Variants in NXPE4 observed in about 807,000 individuals in gnomAD.
The protein encoded by NXPE4 is neurexophilin and PC-esterase domain family member 4.
In NXPE4, 42 loss-of-function variants were observed where a neutral mutation model predicts 33.3. The observed-to-expected ratio is 1.26, with a 90% CI of 0.98 to 1.63. NXPE4 has a LOEUF of 1.63. NXPE4 is among the 40% of genes most tolerant of loss of function. The pLI is 0.00. For missense variants in NXPE4, 709 were observed against 647.6 expected, an observed-to-expected ratio of 1.09 and a Z score of -1.03; for synonymous variants, 253 against 234.9, an observed-to-expected ratio of 1.08 and a Z score of -0.71.
the NXPE4 span, among the ~76,000 whole-genome samples, chr11:114,654,137 T>A: frequency 6.6e-6 from 1 of 151,966 alleles, no homozygotes; most frequent in African/African-American, 2.4e-5. Context: ...GCTTTCAGGA[T>A]CCAATCTACA....
chr11:114,662,832 C>G, the NXPE4 span, among the ~76,000 whole-genome samples: 2 of 152,160 alleles, frequency 1.3e-5, no homozygotes, highest in African/African-American at 4.8e-5. Flanking sequence ...GGAAAGGACC[C>G]AGTCCTGGCA....
chr11:114,641,735 A>C, the NXPE4 span, among the ~76,000 whole-genome samples: 2 of 152,122 alleles, frequency 1.3e-5, no homozygotes, highest in African/African-American at 4.8e-5. Context: ...GAGCACACTG[A>C]AAGTGGGCAA....
the NXPE4 span, among the ~76,000 whole-genome samples, chr11:114,648,793 T>A: frequency 6.6e-6 from 1 of 152,214 alleles, no homozygotes; most frequent in Non-Finnish European, 1.5e-5. Flanking sequence ...CCTTGAGTGA[T>A]GTTTACTCTT....
chr11:114,670,278 T>TA, the NXPE4 span, among the ~76,000 whole-genome samples: 1 of 152,018 alleles, frequency 6.6e-6, no homozygotes, highest in Admixed American at 6.6e-5. Context: ...AGAGCCTTGA[T>TA]AAAATCACTG....
At chr11:114,664,206 T>C in the NXPE4 span, among the ~76,000 whole-genome samples, 1 of 152,148 alleles carries the variant, frequency 6.6e-6, no homozygotes, top group African/African-American at 2.4e-5. Flanking sequence ...GATACACAAG[T>C]ACTATAATAT....
At chr11:114,589,194 T>C (rs912462387) in intron 2 of NXPE4, among the ~76,000 whole-genome samples, 5 of 152,122 alleles carry the variant, frequency 3.3e-5, no homozygotes, top group African/African-American at 1.2e-4. Flanking sequence ...GTGATCAGAC[T>C]GCCCCCAGAG....
chr11:114,651,971 A>T, the NXPE4 span, among the ~76,000 whole-genome samples: 1 of 152,148 alleles, frequency 6.6e-6, no homozygotes, highest in Non-Finnish European at 1.5e-5. Context: ...TCACAGTGGC[A>T]CTCCAGCTTG....
chr11:114,612,542 A>T, the NXPE4 span, among the ~76,000 whole-genome samples: 1 of 151,884 alleles, frequency 6.6e-6, no homozygotes, highest in Non-Finnish European at 1.5e-5. Flanking sequence ...CCTGTGTCTA[A>T]TAAGTGTTGC....
chr11:114,676,721 G>T, the NXPE4 span, among the ~76,000 whole-genome samples: 2 of 151,984 alleles, frequency 1.3e-5, no homozygotes, highest in African/African-American at 4.8e-5. Context: ...ATTTAAAATG[G>T]AAATACTGTA....
chr11:114,629,586 A>G, the NXPE4 span, among the ~76,000 whole-genome samples: 2 of 151,952 alleles, frequency 1.3e-5, no homozygotes, highest in Admixed American at 6.6e-5. Flanking sequence ...CAAAAACTGG[A>G]AGCATTCCCT....
the NXPE4 span, among the ~76,000 whole-genome samples, chr11:114,618,118 G>C: frequency 2.0e-5 from 3 of 150,182 alleles, no homozygotes; most frequent in Non-Finnish European, 4.4e-5. Context: ...GTGTCGCCTC[G>C]TGGGAAACCA....
the NXPE4 span, among the ~76,000 whole-genome samples, chr11:114,645,726 A>G: frequency 2.6e-5 from 4 of 152,318 alleles, no homozygotes; most frequent in African/African-American, 9.6e-5. Flanking sequence ...AAGAATTCAT[A>G]TAAAGTGATA....
chr11:114,626,890 G>A, the NXPE4 span, among the ~76,000 whole-genome samples: 6 of 152,086 alleles, frequency 3.9e-5, no homozygotes, highest in Non-Finnish European at 5.9e-5. Context: ...CTCAGGAGCT[G>A]ATGCGATCAA....
At chr11:114,651,743 T>C in the NXPE4 span, among the ~76,000 whole-genome samples, 160 of 152,284 alleles carry the variant, frequency 1.1e-3, 1 homozygote, top group Non-Finnish European at 2.0e-3. Flanking sequence ...AGAGCGCTGA[T>C]TGGTGTGTTT....
chr11:114,641,393 C>T, the NXPE4 span, among the ~76,000 whole-genome samples: 1 of 152,022 alleles, frequency 6.6e-6, no homozygotes, highest in African/African-American at 2.4e-5. Context: ...CAAAGGAAAT[C>T]TCAGCAACTT....
intron 2 of NXPE4, among the ~76,000 whole-genome samples, chr11:114,589,988 C>G (rs187803848): frequency 2.4e-4 from 37 of 152,300 alleles, no homozygotes; most frequent in African/African-American, 8.9e-4. Flanking sequence ...TTAAAGGATG[C>G]CTTTTTCTGC....
rs766558030 is a variant in NXPE4, at chr11:114,571,089, T to A, written c.1484A>T (p.Gln495Leu). ...ERFSDFHGYI[Q>L]YLIIKDIFQD... ...GAAAATGTCCTTTATGATGAGATAT[T>A]GAATGTAACCATGAAAGTCACTAAA... Residue 495 changes from glutamine (Q) to leucine (L), a missense_variant, in exon 6 of 6, where the codon CAA becomes CTA. Coordinates refer to ENST00000375478, the MANE Select transcript of NXPE4 (RefSeq NM_001077639.2). The A allele has an allele frequency of 1.2e-5, 20 of 1,613,890 alleles. No individual in the cohort carries two copies. The African/African-American group carries it at 2.0e-4, about 16-fold the overall frequency.
At chr11:114,640,861 G>T in the NXPE4 span, among the ~76,000 whole-genome samples, 3 of 152,022 alleles carry the variant, frequency 2.0e-5, no homozygotes, top group South Asian at 6.2e-4. Context: ...TTAGTCATTT[G>T]TCAAATGTGT....
At chr11:114,658,563 A>G in the NXPE4 span, among the ~76,000 whole-genome samples, 1 of 152,140 alleles carries the variant, frequency 6.6e-6, no homozygotes, top group Non-Finnish European at 1.5e-5. Flanking sequence ...TTCTTCTAAG[A>G]ACACTAAAGT....
Sources: gnomAD v4.1 joint callset for allele counts (sites outside exome capture counted in the v4.1 genomes callset) on GRCh38, gnomAD v4.1.1 for gene constraint, MANE v1.5 for transcripts, NCBI Gene and HGNC (gene_info 2026-07-23, HGNC 2026-07-21) for gene names.